CSMD3: variants seen among roughly 807,000 people sequenced by gnomAD.
The protein encoded by CSMD3 is CUB and Sushi multiple domains 3, also known as CUB and sushi domain-containing protein 3.
CSMD3 carries 177 observed loss-of-function variants against 435.2 expected under a neutral mutation model. The observed-to-expected ratio is 0.41, with a 90% CI of 0.36 to 0.46. The LOEUF (loss-of-function observed/expected upper bound fraction) is 0.46. Ranked by LOEUF, CSMD3 falls within the 20% of genes least tolerant of loss-of-function variation. CSMD3 has a pLI of 0.34. For synonymous variants in CSMD3, 1,656 were observed against 1,520.5 expected (o/e 1.09, Z -2.07); for missense variants, 4,265 against 4,504.6 (o/e 0.95, Z 1.52).
chr8:113,397,395 T>G (rs1179835234), intron 1 of CSMD3, among the ~76,000 whole-genome samples: 1 of 152,198 alleles, frequency 6.6e-6, no homozygotes, highest in African/African-American at 2.4e-5. Flanking sequence ...CTTATTAATT[T>G]ATAGGAATTC....
At chr8:113,282,178 C>A (rs562977406) in intron 2 of CSMD3, among the ~76,000 whole-genome samples, 6 of 151,990 alleles carry the variant, frequency 3.9e-5, no homozygotes, top group African/African-American at 1.4e-4. Flanking sequence ...GACAAGGATG[C>A]CCAATCTCAC....
At chr8:112,237,155 G>A (rs761350417) in intron 67 of CSMD3, 35 bp downstream of exon 67, 1 of 1,598,724 alleles carries the variant, frequency 6.3e-7, no homozygotes, top group African/African-American at 1.3e-5. Flanking sequence ...ATAAAGTCAT[G>A]AAGGTATATT....
In CSMD3 at chr8:113,337,975, T is replaced by C. The variant is rs182082325; in HGVS notation, c.179-23182A>G. On this transcript the variant is annotated intron_variant, in intron 1 of 70. Transcript: ENST00000297405. ...ATATGCAATTTTTATTTTCAATAAA[T>C]AACAAAAGGAAAGTGAAAGAAATAA... is the stretch of plus-strand genomic sequence containing the variant. Among the ~76,000 whole-genome samples the C allele has an allele frequency of 1.3e-4, 20 of 151,898 alleles. No individual in the cohort carries two copies. In the East Asian group the frequency reaches 3.9e-3, roughly 29 times the overall value.
intron 10 of CSMD3, among the ~76,000 whole-genome samples, chr8:112,919,342 T>C (rs2082666724): frequency 6.6e-6 from 1 of 151,398 alleles, no homozygotes. Flanking sequence ...CTTTGTGCCA[T>C]GGGGTTTATA....
chr8:112,587,320 AT>A, intron 22 of CSMD3, 85 bp from the exon 23 acceptor site: 1 of 1,009,040 alleles, frequency 9.9e-7, no homozygotes. Flanking sequence ...AGTGTTATGC[AT>A]TTTATTTTAC....
intron 5 of CSMD3, among the ~76,000 whole-genome samples, chr8:113,063,564 GAAAATAAGC>G (rs1264591772): frequency 6.6e-6 from 1 of 151,868 alleles, no homozygotes; most frequent in African/African-American, 2.4e-5. Flanking sequence ...ACTCTGACCT[GAAAATAAGC>G]ACACTGTTCA....
chr8:112,995,449 A>G lies in CSMD3; in HGVS notation c.1031-19301T>C, dbSNP rs186606001. Among the ~76,000 whole-genome samples, 121 of 151,642 alleles carry G rather than the reference A, an allele frequency of 8.0e-4. 1 individual carries two copies. Among genetic ancestry groups the G allele is most frequent in the African/African-American group, 2.7e-3 (113 of 41,502 alleles). On this transcript the variant is annotated intron_variant, in intron 6 of 70. Coordinates refer to ENST00000297405, the MANE Select transcript of CSMD3 (RefSeq NM_198123.2). ...CTGGACACCTAGCAACCATAGTTCT[A>G]GTATCAGAAATTTATTTGAAGAGTT...
At chr8:112,227,995 T>C (rs533863028) in intron 70 of CSMD3, among the ~76,000 whole-genome samples, 4 of 152,184 alleles carry the variant, frequency 2.6e-5, no homozygotes, top group East Asian at 1.9e-4. Context: ...TGAGCCGAGA[T>C]TGTGCCACTG....
Position 112,556,922 on chromosome 8 carries a change from T to G in CSMD3, c.4075A>C (p.Ile1359Leu), listed in dbSNP as rs2131226122. The stretch of plus-strand genomic sequence containing the variant: ...CTGATCTTGTATCCAAATTGTGGAA[T>G]GCCAGGATCTTCACAGTGTGAGAGT... ...FELSHCEDPG[I>L]PQFGYKISDQ... The change falls in exon 25 of 71, where the codon ATT (isoleucine) becomes CTT (leucine). Residue 1359 changes from isoleucine to leucine, a missense_variant. Physicochemically the swap from Ile to Leu is conservative, Grantham distance 5. Transcript: ENST00000297405. The G allele has an allele frequency of 6.2e-7, 1 of 1,612,190 alleles. No individual in the cohort carries two copies. Among genetic ancestry groups the G allele is most frequent in the East Asian group, 2.2e-5 (1 of 44,804 alleles).
At chr8:112,748,412 G>A (rs1415023020) in intron 13 of CSMD3, among the ~76,000 whole-genome samples, 2 of 152,044 alleles carry the variant, frequency 1.3e-5, no homozygotes, top group South Asian at 2.1e-4. Flanking sequence ...GTGTCACAGG[G>A]GTTTGTTGTA....
At chr8:113,192,929 T>C (rs1588244712) in intron 3 of CSMD3, among the ~76,000 whole-genome samples, 1 of 151,754 alleles carries the variant, frequency 6.6e-6, no homozygotes, top group East Asian at 1.9e-4. Flanking sequence ...GCTGAATAAA[T>C]GTTCTGAGTA....
chr8:113,435,509 C>T (rs1019162009), intron 1 of CSMD3, among the ~76,000 whole-genome samples: 2 of 152,158 alleles, frequency 1.3e-5, no homozygotes, highest in South Asian at 4.1e-4. Context: ...AGACGCGGCC[C>T]GATTGCAGTT....
intron 5 of CSMD3, among the ~76,000 whole-genome samples, chr8:113,024,911 T>C (rs1055207160): frequency 6.6e-6 from 1 of 152,210 alleles, no homozygotes; most frequent in African/African-American, 2.4e-5. Flanking sequence ...ATCCATTGTC[T>C]ATCATTCCAC....
intron 13 of CSMD3, among the ~76,000 whole-genome samples, chr8:112,765,277 T>C (rs1255480527): frequency 6.6e-6 from 1 of 151,544 alleles, no homozygotes; most frequent in Non-Finnish European, 1.5e-5. Flanking sequence ...GTCTTGAGGA[T>C]TTGGCTGAAA....
intron 4 of CSMD3, among the ~76,000 whole-genome samples, chr8:113,168,538 A>C (rs1473717745): frequency 6.7e-6 from 1 of 149,640 alleles, no homozygotes; most frequent in African/African-American, 2.4e-5. Context: ...AAAAAAAAAA[A>C]AAAAAAAAAC....
At chr8:113,271,778 T>C (rs753047054) in intron 3 of CSMD3, among the ~76,000 whole-genome samples, 4 of 152,220 alleles carry the variant, frequency 2.6e-5, no homozygotes, top group Non-Finnish European at 4.4e-5. Context: ...CACAGAATGG[T>C]AGATCCACCT....
chr8:112,255,790 C>T (rs908630835), intron 61 of CSMD3: 3 of 261,276 alleles, frequency 1.1e-5, no homozygotes, highest in African/African-American at 6.9e-5. Flanking sequence ...TCATAGGTGT[C>T]CCTGTCAAAA....
rs771602945 is a variant in CSMD3, at chr8:112,281,244, G to T, written c.9438C>A (p.Ile3146=). The T allele has an allele frequency of 6.2e-7, 1 of 1,613,058 alleles. No homozygotes were observed. Among genetic ancestry groups the T allele is most frequent in the Non-Finnish European group, 8.5e-7 (1 of 1,179,190 alleles). The change falls in exon 59 of 71, where the codon ATC becomes ATA. Residue 3146 remains isoleucine, a synonymous_variant. Transcript: ENST00000297405. ...ACTGTCTAACTGAAGGTCCAGAAAG[G>T]ATGTATCCCTCCATGCAGGAATAAA... ...SVIYSCMEGY[I]LSGPSVRQCT... is the part of the protein sequence containing the mutation.
At chr8:112,464,579 A>T (rs1291448211) in intron 32 of CSMD3, among the ~76,000 whole-genome samples, 1 of 152,172 alleles carries the variant, frequency 6.6e-6, no homozygotes. Flanking sequence ...ACAACAATAA[A>T]CTACATACAG....
Sources: allele counts gnomAD v4.1 joint callset (sites outside exome capture counted in the v4.1 genomes callset), GRCh38; gene constraint gnomAD v4.1.1; transcripts MANE v1.5; gene names NCBI Gene and HGNC (gene_info 2026-07-23, HGNC 2026-07-21).